XKR9: variants seen among roughly 807,000 people sequenced by gnomAD.
XKR9 encodes the protein XK-related protein 9.
Under a neutral mutation model 32.0 loss-of-function variants are expected in XKR9, and 32 were observed. The ratio of observed to expected loss-of-function variants is 1.00; its 90% CI spans 0.76 to 1.34. The LOEUF is 1.34. Ranked by LOEUF, XKR9 falls within the 40% of genes most tolerant of loss-of-function variation. The pLI is 0.00. For synonymous variants in XKR9, 168 were observed against 143.4 expected, an observed-to-expected ratio of 1.17 and a Z score of -1.22; for missense variants, 546 against 429.7, an observed-to-expected ratio of 1.27 and a Z score of -2.39.
chr8:70,674,793 A>G (rs1818828904), intron 1 of XKR9, 25 bp from the exon 2 acceptor site: 1 of 152,240 alleles, frequency 6.6e-6, no homozygotes, highest in Non-Finnish European at 1.5e-5. Context: ...AGGTTTACAC[A>G]TCCTTTAATT....
intron 3 of XKR9, among the ~76,000 whole-genome samples, chr8:70,703,762 T>G (rs1477772177): frequency 6.6e-6 from 1 of 152,242 alleles, no homozygotes; most frequent in Non-Finnish European, 1.5e-5. Flanking sequence ...TAACTCATCA[T>G]TACTGGAAGC....
the XKR9 span, among the ~76,000 whole-genome samples, chr8:71,011,560 G>A: frequency 6.6e-6 from 1 of 152,178 alleles, no homozygotes; most frequent in East Asian, 1.9e-4. Flanking sequence ...TAACTGCTTG[G>A]TTGATATAAA....
the XKR9 span, among the ~76,000 whole-genome samples, chr8:70,981,765 T>A: frequency 1.3e-5 from 2 of 152,212 alleles, no homozygotes; most frequent in African/African-American, 4.8e-5. Flanking sequence ...CTCGTTTGTG[T>A]AGACTATGCC....
chr8:71,006,944 G>A, the XKR9 span, among the ~76,000 whole-genome samples: 1 of 152,140 alleles, frequency 6.6e-6, no homozygotes, highest in East Asian at 1.9e-4. Flanking sequence ...GTGGATGTAC[G>A]ATTCCTAAAA....
the XKR9 span, among the ~76,000 whole-genome samples, chr8:71,031,952 T>G: frequency 6.6e-6 from 1 of 152,156 alleles, no homozygotes; most frequent in Non-Finnish European, 1.5e-5. Context: ...GAGATTGTTT[T>G]TCTCATGACC....
At chr8:70,759,718 G>A (rs1009728199) in intron 2 of XKR9, among the ~76,000 whole-genome samples, 3 of 152,142 alleles carry the variant, frequency 2.0e-5, no homozygotes, top group African/African-American at 7.2e-5. Flanking sequence ...ACATCTGGTG[G>A]CATTGGTGAG....
the XKR9 span, among the ~76,000 whole-genome samples, chr8:71,019,722 T>G: frequency 5.3e-5 from 8 of 152,236 alleles, no homozygotes; most frequent in African/African-American, 1.9e-4. Context: ...CAGTCATTAT[T>G]TGAACTCACT....
At chr8:70,811,762 A>C in the XKR9 span, among the ~76,000 whole-genome samples, 48,481 of 152,050 alleles carry the variant, frequency 0.32, 9,091 homozygotes, top group Non-Finnish European at 0.43. Context: ...ATCTCAGAAT[A>C]GACCAATAAC....
At chr8:70,855,080 G>A in the XKR9 span, among the ~76,000 whole-genome samples, 1 of 152,082 alleles carries the variant, frequency 6.6e-6, no homozygotes, top group African/African-American at 2.4e-5. Flanking sequence ...TAGCTTGATG[G>A]GGATGGCATT....
the XKR9 span, among the ~76,000 whole-genome samples, chr8:70,865,089 A>G: frequency 6.6e-6 from 1 of 152,044 alleles, no homozygotes; most frequent in African/African-American, 2.4e-5. Context: ...CTCTCCTCAT[A>G]TTTGGTCAAG....
intron 2 of XKR9, chr8:70,780,974 A>G (rs918183044): frequency 1.3e-4 from 20 of 151,924 alleles, no homozygotes; most frequent in Admixed American, 1.2e-3. Context: ...GCTGATGTTA[A>G]TAAGTTCTGA....
At chr8:70,950,272 C>A in the XKR9 span, among the ~76,000 whole-genome samples, 4 of 152,076 alleles carry the variant, frequency 2.6e-5, no homozygotes, top group Non-Finnish European at 5.9e-5. Context: ...TTAACAATGA[C>A]AAATGTAGCC....
intron 2 of XKR9, among the ~76,000 whole-genome samples, chr8:70,789,159 G>A (rs1220046091): frequency 6.6e-6 from 1 of 151,922 alleles, no homozygotes; most frequent in Non-Finnish European, 1.5e-5. Context: ...CAGTTTACGT[G>A]TAACTTAGGT....
intron 2 of XKR9, among the ~76,000 whole-genome samples, chr8:70,785,445 C>G (rs957437200): frequency 6.6e-6 from 1 of 151,502 alleles, no homozygotes; most frequent in Non-Finnish European, 1.5e-5. Flanking sequence ...TTTAAAAAAT[C>G]AACTCATTTT....
the XKR9 span, among the ~76,000 whole-genome samples, chr8:70,848,764 C>CAAA: frequency 2.2e-4 from 26 of 116,756 alleles, no homozygotes; most frequent in South Asian, 1.6e-3. Flanking sequence ...AATGGAATGC[C>CAAA]AAAAAAAAAA....
the XKR9 span, among the ~76,000 whole-genome samples, chr8:70,902,593 T>C: frequency 2.0e-4 from 30 of 151,798 alleles, no homozygotes; most frequent in African/African-American, 6.0e-4. Context: ...ATCATGTCAT[T>C]TGCAAACAGG....
At chr8:71,031,476 T>C in the XKR9 span, among the ~76,000 whole-genome samples, 1 of 152,182 alleles carries the variant, frequency 6.6e-6, no homozygotes, top group Non-Finnish European at 1.5e-5. Context: ...CAAATAACTG[T>C]AGTATTCTAA....
At chr8:70,755,043 C>T (rs1344690288) in intron 2 of XKR9, among the ~76,000 whole-genome samples, 3 of 152,040 alleles carry the variant, frequency 2.0e-5, no homozygotes, top group Non-Finnish European at 4.4e-5. Flanking sequence ...CCAGAATCTA[C>T]AATGAACTCA....
At chr8:70,771,542 A>AG (rs1175491834) in intron 2 of XKR9, among the ~76,000 whole-genome samples, 2 of 152,204 alleles carry the variant, frequency 1.3e-5, no homozygotes, top group Non-Finnish European at 1.5e-5. Flanking sequence ...TATGTCTGTA[A>AG]GGAATGTAAA....
Sources: allele counts gnomAD v4.1 joint callset (sites outside exome capture counted in the v4.1 genomes callset), GRCh38; gene constraint gnomAD v4.1.1; transcripts MANE v1.5; gene names NCBI Gene and HGNC (gene_info 2026-07-23, HGNC 2026-07-21).